Variants in HEY1 observed in about 807,000 individuals in gnomAD.
The protein encoded by HEY1 is hes related family bHLH transcription factor with YRPW motif 1, also known as hairy/enhancer-of-split related with YRPW motif protein 1.
HEY1 carries 9 observed loss-of-function variants against 28.7 expected under a neutral mutation model. That is an observed-to-expected ratio of 0.31 (90% confidence interval 0.19 to 0.55). The LOEUF (loss-of-function observed/expected upper bound fraction) is 0.55, where lower values mean the gene tolerates loss of function less well. HEY1 is among the 20% of genes least tolerant of loss of function. The pLI is 0.93. For synonymous variants in HEY1, 213 were observed against 175.6 expected (o/e 1.21, Z -1.68); for missense variants, 385 against 399.4 (o/e 0.96, Z 0.31).
Position 79,767,646 on chromosome 8 carries a change from G to A in HEY1, c.18C>T (p.Pro6=), listed in dbSNP as rs28445365. 1 of 1,604,312 alleles carries A rather than the reference G, an allele frequency of 6.2e-7. No homozygotes were observed. Among genetic ancestry groups the A allele is most frequent in the South Asian group, 1.1e-5 (1 of 88,962 alleles). MKRAH[P]EYSSSDSELD... is the part of the protein sequence containing the mutation. ...GCTCGCTGTCCGAGGAGCTGTACTCGGGGTGAGCTCGCTTCATGCTGGCTC... is the reference window on the plus strand; with the variant it reads ...GCTCGCTGTCCGAGGAGCTGTACTCAGGGTGAGCTCGCTTCATGCTGGCTC... The change falls in exon 1 of 5, where the codon CCC becomes CCT. Residue 6 remains proline (P), a synonymous_variant. Coordinates refer to ENST00000354724, the MANE Select transcript of HEY1 (RefSeq NM_012258.4).
chr8:79,766,081 G>A, intron 4 of HEY1: 1 of 770,554 alleles, frequency 1.3e-6, no homozygotes. Flanking sequence ...ATACATCAAG[G>A]GCAGAGAAAC....
At position 79,765,602 on chromosome 8, in the gene HEY1, G is replaced by A; in HGVS notation, c.501C>T (p.Ala167=). 6.2e-7 allele frequency: 1 copy of A among 1,614,082 alleles called. No individual in the cohort carries two copies. The highest frequency in any genetic ancestry group is 2.2e-5 in the East Asian group (1 of 44,880). The change falls in exon 5 of 5, where the codon GCC becomes GCT. Residue 167 remains alanine (A), a synonymous_variant. Transcript: ENST00000354724. ...HLNNYASQRE[A]ASGAHAGLGH... is the part of the protein sequence containing the mutation. ...CGAGGCCCGCGTGGGCGCCGCTCGC[G>A]GCTTCCCGCTGGGAAGCGTAGTTGT...
rs1203874652 is a variant in HEY1 at position 79,765,414 on chromosome 8, C to G, written c.689G>C (p.Arg230Pro). Reference sequence around the variant, plus strand: ...TCCGAGGCTGCCGCTAGGGGGCGCTCGCAAAGCAGGCGCCTCCGGATGTGC... The same window carrying G: ...TCCGAGGCTGCCGCTAGGGGGCGCTGGCAAAGCAGGCGCCTCCGGATGTGC... ...GSAHPEAPAL[R>P]APPSGSLGPV... Residue 230 changes from arginine to proline, a missense_variant, in exon 5 of 5, where the codon CGA becomes CCA. By Grantham distance (103) the Arg-to-Pro change is moderately radical. Transcript: ENST00000354724. 2 of 1,610,224 alleles carry G rather than the reference C, an allele frequency of 1.2e-6. No homozygotes were observed. Among genetic ancestry groups the G allele is most frequent in the South Asian group, 1.1e-5 (1 of 90,580 alleles).
chr8:79,765,476 T>A lies in HEY1; in HGVS notation c.627A>T (p.Ser209=). 1 of 1,613,406 alleles carries A rather than the reference T, an allele frequency of 6.2e-7. No individual in the cohort carries two copies. Among genetic ancestry groups the A allele is most frequent in the Non-Finnish European group, 8.5e-7 (1 of 1,179,724 alleles). The change falls in exon 5 of 5, where the codon TCA becomes TCT. Residue 209 remains serine, a synonymous_variant. Transcript: ENST00000354724. ...TGCCCTGGTGGTGCGGTTCCGTGGGTGAGGCCGTGGTGCCCGCGTTCCCGT... is the reference window on the plus strand; with the variant it reads ...TGCCCTGGTGGTGCGGTTCCGTGGGAGAGGCCGTGGTGCCCGCGTTCCCGT... The part of the protein sequence containing the change: ...NGHGNAGTTA[S]PTEPHHQGRL...
chr8:79,767,558 C>G lies in HEY1; in HGVS notation c.89+17G>C. ...CTCCCGCTCTGGCTCGGCTCCGCTC[C>G]GCCGCCGCCAGCTCACCCATTCTCG... On this transcript the variant is annotated intron_variant, in intron 1 of 4. Coordinates refer to ENST00000354724, the MANE Select transcript of HEY1 (RefSeq NM_012258.4). 1.3e-6 allele frequency: 2 copies of G among 1,589,510 alleles called. No homozygotes were observed. Among genetic ancestry groups the G allele is most frequent in the Non-Finnish European group, 1.7e-6 (2 of 1,168,874 alleles).
At position 79,765,149 on chromosome 8, in the gene HEY1, G is replaced by T. The variant is rs1563476393; in HGVS notation, c.*39C>A. ...GTTGGCAACAGTCCAGCCCAGCTGG[G>T]ATTTTAAACTTTCCCCTCCCTCATT... On this transcript the variant is annotated 3_prime_UTR_variant, in exon 5 of 5. Coordinates refer to ENST00000354724, the MANE Select transcript of HEY1 (RefSeq NM_012258.4). 5 of 1,420,824 alleles carry T rather than the reference G, an allele frequency of 3.5e-6. No homozygotes were observed. The highest frequency in any genetic ancestry group is 2.3e-5 in the Admixed American group (1 of 42,852). The allele number at this position is 1,420,824 out of a possible 1,614,324, so 88.0% of individuals were successfully genotyped here. A position where few individuals can be genotyped will look rare whatever the true frequency, so the allele number is the denominator to read the frequency against.
chr8:79,767,642 A>C lies in HEY1; in HGVS notation c.22T>G (p.Tyr8Asp), dbSNP rs921540168. MKRAHPE[Y>D]SSSDSELDET... ...TCCAGCTCGCTGTCCGAGGAGCTGTACTCGGGGTGAGCTCGCTTCATGCTG... is the reference window on the plus strand; with the variant it reads ...TCCAGCTCGCTGTCCGAGGAGCTGTCCTCGGGGTGAGCTCGCTTCATGCTG... The change falls in exon 1 of 5, where the codon TAC (tyrosine) becomes GAC (aspartate). Residue 8 changes from tyrosine to aspartate, a missense_variant. Tyr to Asp is a radical substitution (Grantham distance 160). Coordinates refer to ENST00000354724, the MANE Select transcript of HEY1 (RefSeq NM_012258.4). The C allele has an allele frequency of 6.2e-7, 1 of 1,605,688 alleles. No homozygotes were observed. The highest frequency in any genetic ancestry group is 8.5e-7 in the Non-Finnish European group (1 of 1,177,062).
intron 1 of HEY1, 71 bp downstream of exon 1, chr8:79,767,504 C>T (rs1290659061): frequency 1.4e-6 from 2 of 1,449,682 alleles, no homozygotes; most frequent in Non-Finnish European, 1.9e-6. Flanking sequence ...GGTCCTAGCC[C>T]GCTGTCACCG....
At chr8:79,766,059 C>T (rs557941131) in intron 4 of HEY1, 13 of 691,430 alleles carry the variant, frequency 1.9e-5, no homozygotes, top group East Asian at 2.8e-5. Context: ...TTTCCCTCAA[C>T]AACAACAAAA....
rs1232347819 is a variant in HEY1 at position 79,766,194 on chromosome 8, C to A, written c.332-423G>T. The A allele has an allele frequency of 5.2e-6, 8 of 1,532,336 alleles. No individual in the cohort carries two copies. The South Asian group carries it at 8.4e-5, about 16-fold the overall frequency. The allele number at this position is 1,532,336 out of a possible 1,614,324, so 94.9% of individuals were successfully genotyped here. On this transcript the variant is annotated intron_variant, in intron 4 of 4. Coordinates refer to ENST00000354724, the MANE Select transcript of HEY1 (RefSeq NM_012258.4). ...AGCATTTTCCTGCTGGAGAGACATA[C>A]ACACAGACCTTGGTCTCCCGTTAGG...
chr8:79,765,777 C>A lies in HEY1; in HGVS notation c.332-6G>T. On this transcript the variant is annotated splice_polypyrimidine_tract_variant and splice_region_variant and intron_variant, in intron 4 of 4. Coordinates refer to ENST00000354724, the MANE Select transcript of HEY1 (RefSeq NM_012258.4). ...GGCGTGCGCGTCAAAGTAACCTAAG[C>A]AAAAGAACAAAAGAAAAATCTCAGG... 6.3e-7 allele frequency: 1 copy of A among 1,590,106 alleles called. No individual in the cohort carries two copies. Among genetic ancestry groups the A allele is most frequent in the South Asian group, 1.1e-5 (1 of 89,150 alleles).
intron 4 of HEY1, chr8:79,766,229 C>T (rs1807831017): frequency 1.3e-6 from 2 of 1,535,076 alleles, no homozygotes; most frequent in African/African-American, 1.4e-5. Flanking sequence ...GTTTCCTTTA[C>T]TTAACCAGAA....
At position 79,766,746 on chromosome 8, in the gene HEY1, T is replaced by TG; in HGVS notation, c.250-15dup. On this transcript the variant is annotated splice_polypyrimidine_tract_variant and intron_variant, in intron 3 of 4. Transcript: ENST00000354724. ...CTTAGCAGATCCCTAAAGATGAGAA[T>TG]GGCAAAAGATTGATTTGGCACAAGT... is the stretch of plus-strand genomic sequence containing the variant. The TG allele has an allele frequency of 6.2e-7, 1 of 1,613,230 alleles. No homozygotes were observed. Among genetic ancestry groups the TG allele is most frequent in the Non-Finnish European group, 8.5e-7 (1 of 1,179,174 alleles).
rs79250162 is a variant in HEY1 at position 79,765,707 on chromosome 8, T to G, written c.396A>C (p.Ala132=). 1.2e-4 allele frequency: 199 copies of G among 1,614,226 alleles called. No homozygotes were observed. The African/African-American group carries it at 2.2e-3, about 18-fold the overall frequency. ...YRSLGFRECL[A]EVARYLSIIE... ...TGATGCTCAGATAACGCGCAACTTC[T>G]GCCAGGCATTCCCGAAATCCCAAAC... Residue 132 remains alanine, a synonymous_variant, in exon 5 of 5, where the codon GCA becomes GCC. Transcript: ENST00000354724.
In HEY1 at chr8:79,764,354, T is replaced by G. The variant is rs113122590; in HGVS notation, c.*834A>C. 94 of 226,758 alleles carry G rather than the reference T, an allele frequency of 4.1e-4. 1 individual carries two copies. Among genetic ancestry groups the G allele is most frequent in the African/African-American group, 2.0e-3 (89 of 45,080 alleles). 14.0% of individuals were successfully genotyped at this position (226,758 alleles called of 1,614,324 possible). On this transcript the variant is annotated 3_prime_UTR_variant, in exon 5 of 5. Coordinates refer to ENST00000354724, the MANE Select transcript of HEY1 (RefSeq NM_012258.4). ...CATGATCACTTATCCATGTTAACAT[T>G]TGTGAATTTGAGATCCGTGTGATTA...
In HEY1 at chr8:79,765,450, C is replaced by G. The variant is rs766839717; in HGVS notation, c.653G>C (p.Arg218Thr). 1.2e-6 allele frequency: 2 copies of G among 1,613,124 alleles called. No homozygotes were observed. The highest frequency in any genetic ancestry group is 1.7e-6 in the Non-Finnish European group (2 of 1,179,570). ...CGCCTCCGGATGTGCCGAGCCCAGC[C>G]TGCCCTGGTGGTGCGGTTCCGTGGG... ...ASPTEPHHQG[R>T]LGSAHPEAPA... Residue 218 changes from arginine to threonine, a missense_variant, in exon 5 of 5, where the codon AGG becomes ACG. Arg to Thr is a moderately conservative substitution (Grantham distance 71). This residue lies in a region of HEY1 where 223 missense variants were observed against 215.9 expected (regional missense o/e 1.03). Coordinates refer to ENST00000354724, the MANE Select transcript of HEY1 (RefSeq NM_012258.4).
Position 79,765,034 on chromosome 8 carries a change from G to A in HEY1, c.*154C>T, listed in dbSNP as rs1807792919. ...GAAAAAAACATTAAAAAAGATAAAA[G>A]TAAACCAACAAACCTTTAGTCTTTA... On this transcript the variant is annotated 3_prime_UTR_variant, in exon 5 of 5. Coordinates refer to ENST00000354724, the MANE Select transcript of HEY1 (RefSeq NM_012258.4). 2 of 546,392 alleles carry A rather than the reference G, an allele frequency of 3.7e-6. No individual in the cohort carries two copies. Among genetic ancestry groups the A allele is most frequent in the Non-Finnish European group, 6.4e-6 (2 of 314,146 alleles). The allele number at this position is 546,392 out of a possible 1,614,324, so 33.8% of individuals were successfully genotyped here.
Position 79,767,283 on chromosome 8 carries a change from G to C in HEY1, c.101C>G (p.Ser34Trp). 3 of 1,612,000 alleles carry C rather than the reference G, an allele frequency of 1.9e-6. No homozygotes were observed. The highest frequency in any genetic ancestry group is 1.7e-6 in the Non-Finnish European group (2 of 1,179,334). Reference protein sequence around the residue: ...ESADENGNLSSALGSMSPTTS... With the variant: ...ESADENGNLSWALGSMSPTTS... ...AGTTGGGGACATGGAACCTAGAGCC[G>C]AACTCAAGTTTCTGAAAAGAGAAAA... The change falls in exon 2 of 5, where the codon TCG (serine) becomes TGG (tryptophan). Residue 34 changes from serine to tryptophan, a missense_variant. Coordinates refer to ENST00000354724, the MANE Select transcript of HEY1 (RefSeq NM_012258.4).
rs1289249712 is a variant in HEY1, at chr8:79,764,297, C to T, written c.*891G>A. ...AATTAGGTTATGCATTTAACAGTTT[C>T]CACTGTACTACTCAATTGACCACTC... On this transcript the variant is annotated 3_prime_UTR_variant, in exon 5 of 5. Coordinates refer to ENST00000354724, the MANE Select transcript of HEY1 (RefSeq NM_012258.4). The T allele has an allele frequency of 8.9e-6, 2 of 225,682 alleles. No individual in the cohort carries two copies. The highest frequency in any genetic ancestry group is 4.5e-5 in the African/African-American group (2 of 44,842). The allele number at this position is 225,682 out of a possible 1,614,324, so 14.0% of individuals were successfully genotyped here.
Sources: allele counts gnomAD v4.1 joint callset, GRCh38; gene constraint gnomAD v4.1.1; regional missense constraint gnomAD v4.1.1; transcripts MANE v1.5; gene names NCBI Gene and HGNC (gene_info 2026-07-23, HGNC 2026-07-21).